The following AP3B1 variants were observed in gnomAD, a reference collection of about 807,000 sequenced individuals.
AP3B1 encodes the protein adaptor related protein complex 3 subunit beta 1, also known as AP-3 complex subunit beta-1.
Under a neutral mutation model 132.5 loss-of-function variants are expected in AP3B1, and 61 were observed. The ratio of observed to expected loss-of-function variants is 0.46; its 90% CI spans 0.37 to 0.57. The LOEUF (loss-of-function observed/expected upper bound fraction) is 0.57. Ranked by LOEUF, AP3B1 falls within the 20% of genes least tolerant of loss-of-function variation. The pLI is 0.00. For missense variants in AP3B1, 1,120 were observed against 1,289.4 expected (o/e 0.87, Z 2.01); for synonymous variants, 388 against 438.3 (o/e 0.89, Z 1.43).
chr5:78,226,758 C>T (rs1285652768), intron 5 of AP3B1, among the ~76,000 whole-genome samples: 1 of 151,996 alleles, frequency 6.6e-6, no homozygotes, highest in Non-Finnish European at 1.5e-5. Context: ...GAAAATAATA[C>T]CAAATTGTTG....
At chr5:78,159,363 G>T (rs1303829850) in intron 13 of AP3B1, among the ~76,000 whole-genome samples, 2 of 152,100 alleles carry the variant, frequency 1.3e-5, no homozygotes, top group Non-Finnish European at 2.9e-5. Flanking sequence ...AAACATAGTG[G>T]CTTAAAACAA....
intron 8 of AP3B1, among the ~76,000 whole-genome samples, chr5:78,179,172 A>G (rs1744268682): frequency 6.6e-6 from 1 of 152,222 alleles, no homozygotes; most frequent in South Asian, 2.1e-4. Context: ...TTAAAAAAAT[A>G]TTAACGCATA....
intron 22 of AP3B1, among the ~76,000 whole-genome samples, chr5:78,050,757 CATT>C (rs1748546695): frequency 6.6e-6 from 1 of 152,016 alleles, no homozygotes; most frequent in Non-Finnish European, 1.5e-5. Flanking sequence ...AGTTTGAAAA[CATT>C]AGTTTTGATT....
intron 21 of AP3B1, among the ~76,000 whole-genome samples, chr5:78,098,302 AAT>A (rs1273142964): frequency 2.1e-5 from 3 of 141,092 alleles, no homozygotes; most frequent in African/African-American, 8.0e-5. Flanking sequence ...ATAAATAAAA[AAT>A]AAAAAAAAAA....
At chr5:78,141,042 T>C in intron 15 of AP3B1, 101 bp downstream of exon 15, 4 of 1,074,324 alleles carry the variant, frequency 3.7e-6, no homozygotes, top group Non-Finnish European at 5.8e-6. Flanking sequence ...CACCTAGAAA[T>C]TGTTGAATGG....
At chr5:78,048,026 A>G (rs1396160043) in intron 22 of AP3B1, among the ~76,000 whole-genome samples, 1 of 152,248 alleles carries the variant, frequency 6.6e-6, no homozygotes, top group East Asian at 1.9e-4. Flanking sequence ...AATAGGAGCT[A>G]AAATCCAGCT....
At chr5:78,071,719 G>C (rs930414754) in intron 22 of AP3B1, among the ~76,000 whole-genome samples, 1 of 151,874 alleles carries the variant, frequency 6.6e-6, no homozygotes, top group African/African-American at 2.4e-5. Flanking sequence ...TTAAGCACTG[G>C]GAATAAAAAA....
At chr5:78,218,534 C>T (rs577111205) in intron 6 of AP3B1, among the ~76,000 whole-genome samples, 22 of 152,220 alleles carry the variant, frequency 1.4e-4, no homozygotes, top group African/African-American at 4.8e-4. Context: ...AGGTAAACTA[C>T]ATGAACCATC....
chr5:78,232,720 T>G (rs1357813977), intron 3 of AP3B1, among the ~76,000 whole-genome samples: 2 of 152,180 alleles, frequency 1.3e-5, no homozygotes, highest in Non-Finnish European at 2.9e-5. Flanking sequence ...TCTTTCTTTT[T>G]TTTTTAGACA....
chr5:78,089,591 A>G (rs1346141298), intron 21 of AP3B1, 92 bp from the exon 22 acceptor site: 1 of 829,248 alleles, frequency 1.2e-6, no homozygotes, highest in African/African-American at 1.7e-5. Context: ...AAATCTAATT[A>G]AATTACTTTG....
At chr5:78,080,175 A>C (rs1291376496) in intron 22 of AP3B1, among the ~76,000 whole-genome samples, 1 of 151,788 alleles carries the variant, frequency 6.6e-6, no homozygotes, top group African/African-American at 2.4e-5. Flanking sequence ...TGCCCTGCTA[A>C]TTTTTGTATT....
rs562718959 is a variant in AP3B1 at position 78,136,719 on chromosome 5, GT to G, written c.1650+4423del. 4.3e-3 allele frequency among the ~76,000 whole-genome samples: 562 copies of G among 130,416 alleles called. 3 individuals carry two copies. The highest frequency in any genetic ancestry group is 0.011 in the African/African-American group (369 of 32,592). 85.6% of individuals were successfully genotyped at this position (130,416 alleles called of 152,430 possible). Reference sequence around the variant, plus strand: ...TAACACGTGTAAAATTGTACTTCTGGTTTTTTTTTTTAGGTTCCTTTTTAAA... The same window carrying G: ...TAACACGTGTAAAATTGTACTTCTGGTTTTTTTTTTAGGTTCCTTTTTAAA... On this transcript the variant is annotated intron_variant, in intron 15 of 26. Coordinates refer to ENST00000255194, the MANE Select transcript of AP3B1 (RefSeq NM_003664.5).
intron 22 of AP3B1, among the ~76,000 whole-genome samples, chr5:78,047,649 G>T (rs776437730): frequency 1.3e-5 from 2 of 152,110 alleles, no homozygotes; most frequent in Non-Finnish European, 2.9e-5. Flanking sequence ...CCATTCTGTA[G>T]GTTGTCTGTT....
rs70997962 is a variant in AP3B1, at chr5:78,024,561, A to ATTTT, written c.2895-3776_2895-3773dup. ...CATGCCACCATGCCTAGCTAATTTA[A>ATTTT]TTTTTTTTTTTTTTTTTTTTTGAGA... On this transcript the variant is annotated intron_variant, in intron 24 of 26. Coordinates refer to ENST00000255194, the MANE Select transcript of AP3B1 (RefSeq NM_003664.5). 8.1e-4 allele frequency among the ~76,000 whole-genome samples: 92 copies of ATTTT among 113,464 alleles called. 1 individual carries two copies. The highest frequency in any genetic ancestry group is 2.7e-3 in the Admixed American group (26 of 9,622). 74.4% of individuals were successfully genotyped at this position (113,464 alleles called of 152,430 possible). A position where few individuals can be genotyped will look rare whatever the true frequency, so the allele number is the denominator to read the frequency against.
intron 11 of AP3B1, among the ~76,000 whole-genome samples, chr5:78,167,525 A>G (rs1168936052): frequency 6.6e-6 from 1 of 152,190 alleles, no homozygotes; most frequent in Non-Finnish European, 1.5e-5. Context: ...TATACAAAAA[A>G]GATACTTGCA....
Position 78,181,555 on chromosome 5 carries a change from T to C in AP3B1, c.894A>G (p.Arg298=), listed in dbSNP as rs1580453466. 6.2e-7 allele frequency: 1 copy of C among 1,613,162 alleles called. No individual in the cohort carries two copies. Residue 298 remains arginine (R), a synonymous_variant, in exon 8 of 27, where the codon AGA becomes AGG. Transcript: ENST00000255194. ...AAGGCTTTGTATTTCTAATTAAGAG[T>C]CTATGATCTGGATCCATAGTATACG... The part of the protein sequence containing the change: ...KKPYTMDPDH[R]LLIRNTKPLL...
intron 13 of AP3B1, among the ~76,000 whole-genome samples, chr5:78,158,617 T>C (rs1190167206): frequency 6.6e-6 from 1 of 152,128 alleles, no homozygotes; most frequent in Admixed American, 6.6e-5. Context: ...ACTGGAATTG[T>C]ATAACTTTAC....
intron 20 of AP3B1, among the ~76,000 whole-genome samples, chr5:78,105,955 C>T (rs528600426): frequency 1.3e-5 from 2 of 152,330 alleles, no homozygotes; most frequent in South Asian, 4.1e-4. Flanking sequence ...ATCCCATTCA[C>T]ATGAGTGATA....
intron 25 of AP3B1, among the ~76,000 whole-genome samples, chr5:78,016,403 C>T (rs144604080): frequency 1.3e-3 from 199 of 151,946 alleles, no homozygotes; most frequent in Non-Finnish European, 2.1e-3. Flanking sequence ...ATTTAGTGCC[C>T]GGGTTAAAAA....
Sources: gnomAD v4.1 joint callset for allele counts (sites outside exome capture counted in the v4.1 genomes callset) on GRCh38, gnomAD v4.1.1 for gene constraint, MANE v1.5 for transcripts, NCBI Gene and HGNC (gene_info 2026-07-23, HGNC 2026-07-21) for gene names.